Variants in CA12 observed in about 807,000 individuals in gnomAD.
CA12 encodes carbonate dehydratase XII.
CA12 carries 36 observed loss-of-function variants against 46.8 expected under a neutral mutation model. That is an observed-to-expected ratio of 0.77 (90% confidence interval 0.59 to 1.02). The LOEUF (loss-of-function observed/expected upper bound fraction) is 1.02, where lower values mean the gene tolerates loss of function less well. CA12 is among the 50% of genes least tolerant of loss of function. CA12 has a pLI of 0.00. For synonymous variants in CA12, 202 were observed against 187.0 expected (o/e 1.08, Z -0.65); for missense variants, 436 against 451.4 (o/e 0.97, Z 0.31).
chr15:63,346,345 G>T (rs1314535422), intron 3 of CA12, among the ~76,000 whole-genome samples, 185 bp downstream of exon 3: 1 of 152,142 alleles, frequency 6.6e-6, no homozygotes, highest in Non-Finnish European at 1.5e-5. Flanking sequence ...GATCCTCAGA[G>T]CCCAGAGCCT....
intron 2 of CA12, among the ~76,000 whole-genome samples, chr15:63,366,253 C>T (rs1385786116): frequency 6.6e-6 from 1 of 152,144 alleles, no homozygotes; most frequent in African/African-American, 2.4e-5. Flanking sequence ...CCCCTTCCCT[C>T]ATCACTGAGG....
At position 63,327,304 on chromosome 15, in the gene CA12, G is replaced by A. The variant is rs2038880359; in HGVS notation, c.908-71C>T. 6 of 1,162,162 alleles carry A rather than the reference G, an allele frequency of 5.2e-6. No homozygotes were observed. In the South Asian group the frequency reaches 5.2e-5, roughly 10 times the overall value. 72.0% of individuals were successfully genotyped at this position (1,162,162 alleles called of 1,614,324 possible). A position where few individuals can be genotyped will look rare whatever the true frequency, so the allele number is the denominator to read the frequency against. ...CCATCTTAGCCCATGGCCCCCGGGT[G>A]TGAAATCATGGCCCAGCTGCATAAT... is the stretch of plus-strand genomic sequence containing the variant. On this transcript the variant is annotated intron_variant, in intron 9 of 10. Coordinates refer to ENST00000178638, the MANE Select transcript of CA12 (RefSeq NM_001218.5). The surrounding 1 kb of genome is among the most constrained non-coding windows in gnomAD (Gnocchi z 4.5).
At chr15:63,344,424 A>G (rs1464308539) in intron 4 of CA12, among the ~76,000 whole-genome samples, 1 of 152,270 alleles carries the variant, frequency 6.6e-6, no homozygotes, top group Non-Finnish European at 1.5e-5. Flanking sequence ...AGTCTCAGAC[A>G]CTTTTTGGTT....
At chr15:63,360,219 T>C (rs899794213) in intron 2 of CA12, among the ~76,000 whole-genome samples, 7 of 152,164 alleles carry the variant, frequency 4.6e-5, no homozygotes, top group African/African-American at 1.7e-4. Context: ...CAGAATGATA[T>C]GTGGACCAAG....
chr15:63,375,811 C>A, intron 1 of CA12, 133 bp from the exon 2 acceptor site: 7 of 508,354 alleles, frequency 1.4e-5, no homozygotes, highest in Non-Finnish European at 2.5e-5. Flanking sequence ...TTTTCTTTTT[C>A]TTTTTTTTTT....
At chr15:63,337,719 G>A (rs1171112376) in intron 8 of CA12, among the ~76,000 whole-genome samples, 3 of 152,066 alleles carry the variant, frequency 2.0e-5, no homozygotes, top group African/African-American at 4.8e-5. Flanking sequence ...CCTCCCAAAG[G>A]AGGCAAGACA....
intron 2 of CA12, among the ~76,000 whole-genome samples, chr15:63,365,397 C>A (rs2039424625): frequency 6.6e-6 from 1 of 152,220 alleles, no homozygotes; most frequent in South Asian, 2.1e-4. Context: ...GGAAAGAGCA[C>A]CGGGAGGGAG....
At chr15:63,352,958 C>G (rs772633371) in intron 2 of CA12, among the ~76,000 whole-genome samples, 6 of 152,104 alleles carry the variant, frequency 3.9e-5, no homozygotes, top group Non-Finnish European at 7.4e-5. Context: ...TCTCTAAATG[C>G]TCTCCTTCTT....
chr15:63,337,613 C>CG (rs1210644603), intron 8 of CA12, among the ~76,000 whole-genome samples: 2 of 152,086 alleles, frequency 1.3e-5, no homozygotes, highest in Non-Finnish European at 2.9e-5. Context: ...TGTGCCACCA[C>CG]GCCCGGCTAA....
intron 2 of CA12, among the ~76,000 whole-genome samples, chr15:63,359,261 A>T (rs1179801940): frequency 2.0e-5 from 3 of 152,006 alleles, no homozygotes; most frequent in Non-Finnish European, 2.9e-5. Context: ...AATCATTTTT[A>T]AAAATAACCA....
intron 2 of CA12, among the ~76,000 whole-genome samples, chr15:63,358,748 CT>C (rs1312497092): frequency 1.3e-5 from 2 of 152,068 alleles, no homozygotes; most frequent in African/African-American, 4.8e-5. Context: ...CTTTTTGCCC[CT>C]GACCTGATTA....
chr15:63,346,025 T>A (rs987932729), intron 3 of CA12, among the ~76,000 whole-genome samples: 1 of 152,244 alleles, frequency 6.6e-6, no homozygotes, highest in African/African-American at 2.4e-5. Flanking sequence ...TCACTCTGTA[T>A]GCCAGACCCC....
In CA12 at chr15:63,341,934, C is replaced by G. The variant is rs761677971; in HGVS notation, c.525+68G>C. On this transcript the variant is annotated intron_variant, in intron 5 of 10. Coordinates refer to ENST00000178638, the MANE Select transcript of CA12 (RefSeq NM_001218.5). This position sits in a 1 kb window ranked among gnomAD's most constrained non-coding sequence, Gnocchi z 5.2. ...TGATTATCAACAGGTATGCATGGAACAAAAGGTGGAATCCCAATCTCATCC... is the reference window on the plus strand; with the variant it reads ...TGATTATCAACAGGTATGCATGGAAGAAAAGGTGGAATCCCAATCTCATCC... The G allele has an allele frequency of 9.0e-7, 1 of 1,114,270 alleles. No individual in the cohort carries two copies. Among genetic ancestry groups the G allele is most frequent in the Non-Finnish European group, 1.4e-6 (1 of 733,096 alleles). 69.0% of individuals were successfully genotyped at this position (1,114,270 alleles called of 1,614,324 possible).
Position 63,345,794 on chromosome 15 carries a change from G to A in CA12, c.287-175C>T, listed in dbSNP as rs550918443. ...TGCAGCCTAAAGGTCAGACACCTGGGCTCTTTCCCTGAGAATGTTCCCTTT... is the reference window on the plus strand; with the variant it reads ...TGCAGCCTAAAGGTCAGACACCTGGACTCTTTCCCTGAGAATGTTCCCTTT... On this transcript the variant is annotated intron_variant, in intron 3 of 10. Transcript: ENST00000178638. The surrounding 1 kb of genome is among the most constrained non-coding windows in gnomAD (Gnocchi z 4.3). Among the ~76,000 whole-genome samples the A allele has an allele frequency of 6.6e-6, 1 of 152,322 alleles. No individual in the cohort carries two copies. The highest frequency in any genetic ancestry group is 2.4e-5 in the African/African-American group (1 of 41,568).
Position 63,340,147 on chromosome 15 carries a change from C to T in CA12, c.747+141G>A, listed in dbSNP as rs892252946. 2 of 1,003,998 alleles carry T rather than the reference C, an allele frequency of 2.0e-6. No homozygotes were observed. Among genetic ancestry groups the T allele is most frequent in the African/African-American group, 1.6e-5 (1 of 62,506 alleles). The allele number at this position is 1,003,998 out of a possible 1,614,324, so 62.2% of individuals were successfully genotyped here. A position where few individuals can be genotyped will look rare whatever the true frequency, so the allele number is the denominator to read the frequency against. ...CAGCCTGGAATTTCTGCGGTGCTTT[C>T]AGACACCTGTGATATTTGGAGAGGT... On this transcript the variant is annotated intron_variant, in intron 7 of 10. Transcript: ENST00000178638. This position sits in a 1 kb window ranked among gnomAD's most constrained non-coding sequence, Gnocchi z 4.4.
At position 63,378,680 on chromosome 15, in the gene CA12, T is replaced by C. The variant is rs2039607814; in HGVS notation, c.85+2956A>G. ...ATAAAACCTCTTCTGGACATTTTCT[T>C]CAGTCTTTTGTGTGAGAGGTTCATT... On this transcript the variant is annotated intron_variant, in intron 1 of 10. Coordinates refer to ENST00000178638, the MANE Select transcript of CA12 (RefSeq NM_001218.5). This position sits in a 1 kb window ranked among gnomAD's most constrained non-coding sequence, Gnocchi z 4.8. 1 of 152,252 alleles carries C rather than the reference T, an allele frequency of 6.6e-6. No homozygotes were observed. Among genetic ancestry groups the C allele is most frequent in the South Asian group, 2.1e-4 (1 of 4,834 alleles). The allele number at this position is 152,252 out of a possible 1,614,324, so 9.4% of individuals were successfully genotyped here.
chr15:63,345,549 G>A lies in CA12; in HGVS notation c.357C>T (p.His119=). ...LQSRYSATQL[H]LHWGNPNDPH... The stretch of plus-strand genomic sequence containing the variant: ...GGTCATTCGGGTTCCCCCAGTGCAG[G>A]TGCAGCTGCGTGGCACTGTAGCGAG... Residue 119 remains histidine, a synonymous_variant, in exon 4 of 11, where the codon CAC becomes CAT. Coordinates refer to ENST00000178638, the MANE Select transcript of CA12 (RefSeq NM_001218.5). The surrounding 1 kb of genome is among the most constrained non-coding windows in gnomAD (Gnocchi z 4.3). The A allele has an allele frequency of 3.1e-6, 5 of 1,613,284 alleles. No individual in the cohort carries two copies. Among genetic ancestry groups the A allele is most frequent in the Non-Finnish European group, 4.2e-6 (5 of 1,179,998 alleles).
Position 63,340,320 on chromosome 15 carries a change from A to T in CA12, c.715T>A (p.Phe239Ile), listed in dbSNP as rs2039060376. The T allele has an allele frequency of 6.2e-7, 1 of 1,614,032 alleles. No individual in the cohort carries two copies. Among genetic ancestry groups the T allele is most frequent in the African/African-American group, 1.3e-5 (1 of 74,916 alleles). ...TGGGAAATTTGCACGGGGTTTCGGA[A>T]AACTGTCCAGAGCACAGTGGGGTTG... ...PCNPTVLWTVFRNPVQISQEQ... is the reference protein window; with the variant it reads ...PCNPTVLWTVIRNPVQISQEQ... The change falls in exon 7 of 11, where the codon TTC (phenylalanine) becomes ATC (isoleucine). Residue 239 changes from phenylalanine (F) to isoleucine (I), a missense_variant. Transcript: ENST00000178638. This position sits in a 1 kb window ranked among gnomAD's most constrained non-coding sequence, Gnocchi z 4.4.
At chr15:63,343,401 C>A (rs2039107311) in intron 4 of CA12, among the ~76,000 whole-genome samples, 1 of 151,526 alleles carries the variant, frequency 6.6e-6, no homozygotes, top group Admixed American at 6.6e-5. Context: ...CCTGCCTCAG[C>A]CTCCCGAGTA....
Sources: allele counts gnomAD v4.1 joint callset (sites outside exome capture counted in the v4.1 genomes callset), GRCh38; gene constraint gnomAD v4.1.1; non-coding constraint Gnocchi (gnomAD v3.1); transcripts MANE v1.5; gene names NCBI Gene and HGNC (gene_info 2026-07-23, HGNC 2026-07-21).